Variants in RANBP17 observed in about 807,000 individuals in gnomAD.
RANBP17 encodes the protein RAN binding protein 17.
RANBP17 carries 158 observed loss-of-function variants against 141.2 expected under a neutral mutation model. The observed-to-expected ratio is 1.12, with a 90% CI of 0.98 to 1.28. The LOEUF is 1.28. Among genes scored for constraint, RANBP17 ranks in the 50% most tolerant of loss-of-function variants. The pLI, the probability that RANBP17 is intolerant of heterozygous loss-of-function variation, is 0.00. For synonymous variants in RANBP17, 430 were observed against 450.0 expected, an observed-to-expected ratio of 0.96 and a Z score of 0.56; for missense variants, 1,438 against 1,290.7, an observed-to-expected ratio of 1.11 and a Z score of -1.75.
intron 18 of RANBP17, 115 bp from the exon 19 acceptor site, chr5:171,199,555 G>T (rs1581846366): frequency 1.8e-6 from 1 of 559,048 alleles, no homozygotes; most frequent in South Asian, 3.5e-5. Context: ...GGATGTGAAT[G>T]CAGGCTGACC....
At chr5:171,062,218 A>G (rs967318174) in intron 14 of RANBP17, among the ~76,000 whole-genome samples, 4 of 151,884 alleles carry the variant, frequency 2.6e-5, no homozygotes, top group Admixed American at 2.6e-4. Context: ...TTAGCTGGTG[A>G]TTTTGCTCGT....
At chr5:170,984,255 A>C (rs1429933632) in intron 14 of RANBP17, among the ~76,000 whole-genome samples, 2 of 152,154 alleles carry the variant, frequency 1.3e-5, no homozygotes, top group Admixed American at 1.3e-4. Flanking sequence ...TCTGAGGTAC[A>C]TAGATAACCC....
At chr5:170,997,557 C>CT (rs566896880) in intron 14 of RANBP17, among the ~76,000 whole-genome samples, 104 of 152,320 alleles carry the variant, frequency 6.8e-4, no homozygotes, top group Non-Finnish European at 1.3e-3. Context: ...CTCAGAAAGT[C>CT]TTTCTAGCAT....
chr5:171,106,521 A>T (rs558015011), intron 14 of RANBP17, among the ~76,000 whole-genome samples: 1 of 152,296 alleles, frequency 6.6e-6, no homozygotes, highest in South Asian at 2.1e-4. Context: ...TGAAGAAACT[A>T]GTCAGTTCAG....
intron 14 of RANBP17, among the ~76,000 whole-genome samples, chr5:171,157,231 A>G (rs1475374091): frequency 6.6e-6 from 1 of 152,170 alleles, no homozygotes; most frequent in Non-Finnish European, 1.5e-5. Context: ...AATAATTTTC[A>G]GCTTGCTTCT....
intron 14 of RANBP17, among the ~76,000 whole-genome samples, chr5:171,132,108 C>A (rs1189441847): frequency 6.6e-6 from 1 of 152,006 alleles, no homozygotes; most frequent in East Asian, 1.9e-4. Flanking sequence ...ATAATAGATT[C>A]TTACATGTGA....
At chr5:171,157,485 T>C (rs1758989542) in intron 14 of RANBP17, among the ~76,000 whole-genome samples, 1 of 152,220 alleles carries the variant, frequency 6.6e-6, no homozygotes, top group Admixed American at 6.5e-5. Context: ...ACACTGATGA[T>C]CTGGACTCTT....
At chr5:170,967,658 A>G (rs1288177092) in intron 13 of RANBP17, among the ~76,000 whole-genome samples, 4 of 151,460 alleles carry the variant, frequency 2.6e-5, no homozygotes, top group African/African-American at 9.7e-5. Flanking sequence ...TTTTCTCTTA[A>G]TAATAGTTTA....
At chr5:170,884,093 C>T (rs1324951692) in intron 3 of RANBP17, among the ~76,000 whole-genome samples, 2 of 152,214 alleles carry the variant, frequency 1.3e-5, no homozygotes, top group Non-Finnish European at 2.9e-5. Context: ...GTTCCTGTTG[C>T]ACCACATCCT....
At chr5:170,886,586 G>C (rs1008163955) in intron 3 of RANBP17, among the ~76,000 whole-genome samples, 1 of 148,964 alleles carries the variant, frequency 6.7e-6, no homozygotes, top group Non-Finnish European at 1.5e-5. Flanking sequence ...AAATAGAGTA[G>C]TATCTACATT....
At chr5:171,144,366 C>CA (rs371286032) in intron 14 of RANBP17, among the ~76,000 whole-genome samples, 9 of 144,210 alleles carry the variant, frequency 6.2e-5, no homozygotes, top group African/African-American at 1.8e-4. Context: ...GACCCTATCT[C>CA]AAAAAAAAAG....
At chr5:171,190,952 A>C (rs1013768769) in intron 18 of RANBP17, among the ~76,000 whole-genome samples, 3 of 152,244 alleles carry the variant, frequency 2.0e-5, no homozygotes, top group African/African-American at 7.2e-5. Flanking sequence ...GATGAGAAGC[A>C]CGTGGATAGG....
chr5:171,226,713 C>T (rs1478639565), intron 22 of RANBP17, among the ~76,000 whole-genome samples: 1 of 152,160 alleles, frequency 6.6e-6, no homozygotes, highest in Non-Finnish European at 1.5e-5. Flanking sequence ...CAGAACCACC[C>T]AGCTATGTAG....
At chr5:171,015,809 C>A (rs1780388074) in intron 14 of RANBP17, among the ~76,000 whole-genome samples, 1 of 152,114 alleles carries the variant, frequency 6.6e-6, no homozygotes, top group Non-Finnish European at 1.5e-5. Context: ...GAAACAAAAT[C>A]TTTCTTAGTA....
At chr5:170,869,208 A>G (rs1767507860) in intron 1 of RANBP17, among the ~76,000 whole-genome samples, 1 of 152,236 alleles carries the variant, frequency 6.6e-6, no homozygotes, top group South Asian at 2.1e-4. Flanking sequence ...TCTTTATATC[A>G]GTAAAACAAA....
rs1241483642 is a variant in RANBP17 at position 170,918,869 on chromosome 5, A to G, written c.1101+10A>G. The G allele has an allele frequency of 6.5e-7, 1 of 1,538,046 alleles. No individual in the cohort carries two copies. Among genetic ancestry groups the G allele is most frequent in the Non-Finnish European group, 8.8e-7 (1 of 1,136,782 alleles). ...CATTACTAGCCTACAGGTAGGTAAA[A>G]ATATGTAATTATGTTAAACTGTAGC... On this transcript the variant is annotated intron_variant, in intron 10 of 27. Coordinates refer to ENST00000523189, the MANE Select transcript of RANBP17 (RefSeq NM_022897.5).
intron 24 of RANBP17, among the ~76,000 whole-genome samples, chr5:171,245,575 A>G (rs1765162975): frequency 6.6e-6 from 1 of 152,142 alleles, no homozygotes; most frequent in African/African-American, 2.4e-5. Flanking sequence ...CAGCCTCCCA[A>G]AGTGCTGGGA....
chr5:170,942,509 C>T lies in RANBP17; in HGVS notation c.1469-11088C>T, dbSNP rs369948012. ...TCAGGAAGCTACATACAGCATGAAA[C>T]GTAATAAAGTCTCCAAACAAATGAG... On this transcript the variant is annotated intron_variant, in intron 12 of 27. Transcript: ENST00000523189. Among the ~76,000 whole-genome samples the T allele has an allele frequency of 5.3e-4, 81 of 152,096 alleles. 1 individual carries two copies. In the South Asian group the frequency reaches 0.013, roughly 24 times the overall value.
At chr5:171,106,745 A>G (rs1304749192) in intron 14 of RANBP17, among the ~76,000 whole-genome samples, 3 of 152,174 alleles carry the variant, frequency 2.0e-5, no homozygotes. Context: ...TGTAAAAATA[A>G]CACTGTGGAT....
Sources: gnomAD v4.1 joint callset for allele counts (sites outside exome capture counted in the v4.1 genomes callset) on GRCh38, gnomAD v4.1.1 for gene constraint, MANE v1.5 for transcripts, NCBI Gene and HGNC (gene_info 2026-07-23, HGNC 2026-07-21) for gene names.